The following C1QTNF3 variants were observed in gnomAD, a reference collection of about 807,000 sequenced individuals.
C1QTNF3 encodes the protein complement C1q tumor necrosis factor-related protein 3.
A neutral mutation model predicts 32.6 loss-of-function variants in C1QTNF3; 26 were observed. The observed-to-expected ratio is 0.80, with a 90% CI of 0.58 to 1.11. The LOEUF is 1.11. Among genes scored for constraint, C1QTNF3 ranks in the 50% least tolerant of loss-of-function variants. The pLI is 0.00. For synonymous variants in C1QTNF3, 155 were observed against 146.0 expected (o/e 1.06, Z -0.44); for missense variants, 362 against 398.2 (o/e 0.91, Z 0.77).
At chr5:34,046,796 C>T (rs780820333), upstream of C1QTNF3, among the ~76,000 whole-genome samples, 1 of 152,182 alleles carries the variant, frequency 6.6e-6, no homozygotes, top group Non-Finnish European at 1.5e-5. Flanking sequence ...GGAGTCTACA[C>T]ATGTACTATC....
intron 1 of C1QTNF3, among the ~76,000 whole-genome samples, chr5:34,038,705 G>C (rs1365170370): frequency 6.6e-6 from 1 of 152,182 alleles, no homozygotes; most frequent in Non-Finnish European, 1.5e-5. Flanking sequence ...GCTCAGACAG[G>C]CTTTTTTTCT....
At chr5:34,174,347 G>A in the C1QTNF3 span, among the ~76,000 whole-genome samples, 1 of 152,140 alleles carries the variant, frequency 6.6e-6, no homozygotes, top group South Asian at 2.1e-4. Context: ...GTGAGCCACT[G>A]CACTGAGCCT....
chr5:34,144,212 TTAAC>T, the C1QTNF3 span, among the ~76,000 whole-genome samples: 11 of 152,292 alleles, frequency 7.2e-5, no homozygotes, highest in Admixed American at 3.9e-4. Flanking sequence ...ACAAGAAGAC[TTAAC>T]TAACTGTCTT....
At chr5:34,147,167 G>A in the C1QTNF3 span, among the ~76,000 whole-genome samples, 7 of 152,088 alleles carry the variant, frequency 4.6e-5, no homozygotes, top group African/African-American at 9.7e-5. Context: ...AACAGATGCC[G>A]GCAAGGCTGT....
the C1QTNF3 span, among the ~76,000 whole-genome samples, chr5:34,213,810 T>TATATATATATATATATATATAA: frequency 7.3e-5 from 1 of 13,654 alleles, no homozygotes; most frequent in African/African-American, 2.2e-4. Context: ...TATATATATA[T>TATATATATATATATATATATAA]TTTTTTTTTT....
chr5:34,103,732 G>C, the C1QTNF3 span, among the ~76,000 whole-genome samples: 1 of 141,878 alleles, frequency 7.0e-6, no homozygotes, highest in East Asian at 2.0e-4. Context: ...TGAGGCAAGA[G>C]AATTGCTTAA....
At chr5:34,083,989 T>C in the C1QTNF3 span, among the ~76,000 whole-genome samples, 52 of 151,824 alleles carry the variant, frequency 3.4e-4, no homozygotes, top group Admixed American at 1.8e-3. Context: ...ATGGAATGTA[T>C]TGCCATAATT....
chr5:34,179,672 C>T, the C1QTNF3 span, among the ~76,000 whole-genome samples: 22 of 152,364 alleles, frequency 1.4e-4, no homozygotes, highest in African/African-American at 5.1e-4. Flanking sequence ...CCCCCAGAGG[C>T]GTAGCCACCC....
At chr5:34,201,522 T>C in the C1QTNF3 span, among the ~76,000 whole-genome samples, 2 of 152,084 alleles carry the variant, frequency 1.3e-5, no homozygotes, top group African/African-American at 4.8e-5. Context: ...AAAATTGTGG[T>C]GACTGCTTAA....
the C1QTNF3 span, among the ~76,000 whole-genome samples, chr5:34,163,664 C>T: frequency 5.4e-4 from 82 of 152,106 alleles, no homozygotes; most frequent in African/African-American, 2.0e-3. Flanking sequence ...CCAGACTGGA[C>T]ATAGAAAGAC....
chr5:34,105,433 G>A, the C1QTNF3 span, among the ~76,000 whole-genome samples: 10 of 151,948 alleles, frequency 6.6e-5, no homozygotes, highest in Admixed American at 6.6e-4. Context: ...TTTCACATAC[G>A]TCTTTTGCGC....
chr5:34,042,530 T>C (rs945569320), intron 1 of C1QTNF3, among the ~76,000 whole-genome samples: 1 of 152,054 alleles, frequency 6.6e-6, no homozygotes, highest in Admixed American at 6.5e-5. Flanking sequence ...AAGAAGGAAA[T>C]CAAGTCCCAG....
At chr5:34,094,432 A>G in the C1QTNF3 span, among the ~76,000 whole-genome samples, 2 of 152,126 alleles carry the variant, frequency 1.3e-5, no homozygotes, top group Admixed American at 6.6e-5. Flanking sequence ...GAGAGTAGCA[A>G]AACACTAAGG....
the C1QTNF3 span, among the ~76,000 whole-genome samples, chr5:34,194,932 A>C: frequency 6.7e-6 from 1 of 148,496 alleles, no homozygotes; most frequent in Non-Finnish European, 1.5e-5. Context: ...AATAAGGACA[A>C]GAAAAAAGTC....
At chr5:34,047,543 A>T (rs1050523430), upstream of C1QTNF3, among the ~76,000 whole-genome samples, 3 of 152,212 alleles carry the variant, frequency 2.0e-5, no homozygotes, top group African/African-American at 7.2e-5. Flanking sequence ...AAGAGCAGCT[A>T]AAGGAGGCAA....
chr5:34,078,166 C>T, the C1QTNF3 span, among the ~76,000 whole-genome samples: 5 of 151,596 alleles, frequency 3.3e-5, no homozygotes, highest in African/African-American at 1.2e-4. The surrounding 1 kb of genome is among the most constrained non-coding windows in gnomAD (Gnocchi z 4.0). Context: ...GACCCCATCC[C>T]CTGCCATTTT....
the C1QTNF3 span, among the ~76,000 whole-genome samples, chr5:34,211,208 T>TATA: frequency 6.6e-6 from 1 of 151,676 alleles, no homozygotes; most frequent in Non-Finnish European, 1.5e-5. Flanking sequence ...AAGTAAATGT[T>TATA]ATAATATTTT....
chr5:34,166,731 A>G, the C1QTNF3 span: 1 of 152,142 alleles, frequency 6.6e-6, no homozygotes, highest in African/African-American at 2.4e-5. Flanking sequence ...GTATTAACCA[A>G]TAATTTATAC....
At chr5:34,146,742 C>T in the C1QTNF3 span, among the ~76,000 whole-genome samples, 1 of 152,198 alleles carries the variant, frequency 6.6e-6, no homozygotes, top group African/African-American at 2.4e-5. Flanking sequence ...CCCTTCTTGA[C>T]AGTGGCCATG....
Sources: gnomAD v4.1 joint callset for allele counts (sites outside exome capture counted in the v4.1 genomes callset) on GRCh38, gnomAD v4.1.1 for gene constraint, Gnocchi (gnomAD v3.1) non-coding constraint, MANE v1.5 for transcripts, NCBI Gene and HGNC (gene_info 2026-07-23, HGNC 2026-07-21) for gene names.